Variants in GSE1 observed in about 807,000 individuals in gnomAD.
GSE1 encodes Gse1 coiled-coil protein.
GSE1 carries 32 observed loss-of-function variants against 112.6 expected under a neutral mutation model. The observed-to-expected ratio is 0.28, with a 90% CI of 0.21 to 0.38. The LOEUF is 0.38. Among genes scored for constraint, GSE1 ranks in the 10% least tolerant of loss-of-function variants. The pLI is 1.00. For missense variants in GSE1, 2,348 were observed against 1,699.2 expected (o/e 1.38, Z -6.71); for synonymous variants, 1,115 against 735.6 (o/e 1.52, Z -8.35).
In GSE1 at chr16:85,626,722, C is replaced by T. The variant is rs113550976; in HGVS notation, c.8-7192C>T. ...AGCACAGAGGGAGCAGGCCTGAGGT[C>T]TGGTGCCGGGGAAGAGCCGGGATGA... On this transcript the variant is annotated intron_variant, in intron 1 of 15. Transcript: ENST00000253458. Among the ~76,000 whole-genome samples, 1,153 of 152,290 alleles carry T rather than the reference C, an allele frequency of 7.6e-3. 11 individuals carry two copies. Among genetic ancestry groups the T allele is most frequent in the Non-Finnish European group, 0.013 (909 of 68,026 alleles).
At chr16:85,272,638 CTG>C (rs1267876534) in intron 1 of GSE1, among the ~76,000 whole-genome samples, 2 of 152,138 alleles carry the variant, frequency 1.3e-5, no homozygotes, top group African/African-American at 4.8e-5. Flanking sequence ...CCTGGGCTGA[CTG>C]TGGACAGCCC....
intron 2 of GSE1, among the ~76,000 whole-genome samples, chr16:85,547,949 C>T (rs112292172): frequency 0.065 from 9,453 of 145,452 alleles, 421 homozygotes; most frequent in Non-Finnish European, 0.095. Context: ...TATTTGAGGC[C>T]GGGCGAGGTG....
intron 1 of GSE1, among the ~76,000 whole-genome samples, chr16:85,591,903 C>T (rs567337170): frequency 3.3e-4 from 51 of 152,296 alleles, no homozygotes; most frequent in African/African-American, 1.2e-3. Flanking sequence ...TCTAGATCCG[C>T]GATGCCCAAA....
Position 85,657,328 on chromosome 16 carries a change from T to C in GSE1, c.1364T>C (p.Leu455Ser). Residue 455 changes from leucine (L) to serine (S), a missense_variant, in exon 8 of 16, where the codon TTG (leucine) becomes TCG (serine). Transcript: ENST00000253458. Reference protein sequence around the residue: ...LQAPKPVQHPLHPVPTPHHTV... With the variant: ...LQAPKPVQHPSHPVPTPHHTV... ...GCGCCCAAGCCCGTCCAACACCCCTTGCATCCGGTGCCCACCCCACACCAC... is the reference window on the plus strand; with the variant it reads ...GCGCCCAAGCCCGTCCAACACCCCTCGCATCCGGTGCCCACCCCACACCAC... 1 of 1,605,488 alleles carries C rather than the reference T, an allele frequency of 6.2e-7. No individual in the cohort carries two copies. Among genetic ancestry groups the C allele is most frequent in the Non-Finnish European group, 8.5e-7 (1 of 1,176,826 alleles).
chr16:85,557,845 CG>C (rs2045313567), intron 1 of GSE1, among the ~76,000 whole-genome samples: 1 of 150,152 alleles, frequency 6.7e-6, no homozygotes, highest in Non-Finnish European at 1.5e-5. Context: ...TTTTGAGTTT[CG>C]TGGTGTCTGT....
At chr16:85,495,832 T>G (rs2151903101) in intron 2 of GSE1, among the ~76,000 whole-genome samples, 1 of 152,212 alleles carries the variant, frequency 6.6e-6, no homozygotes, top group Admixed American at 6.5e-5. Flanking sequence ...GCCAGGGCAG[T>G]TAAGGCCTAA....
upstream of GSE1, among the ~76,000 whole-genome samples, chr16:85,608,433 C>A (rs1161821613): frequency 6.6e-6 from 1 of 152,100 alleles, no homozygotes; most frequent in South Asian, 2.1e-4. Context: ...AGGCAGCTAA[C>A]GGCTCCCTCC....
chr16:85,564,772 T>G (rs2045666845), intron 1 of GSE1, among the ~76,000 whole-genome samples: 1 of 152,128 alleles, frequency 6.6e-6, no homozygotes, highest in African/African-American at 2.4e-5. Context: ...AGGGAGCCTG[T>G]GCGGAAGGGG....
chr16:85,289,443 A>G (rs945390165), intron 1 of GSE1, among the ~76,000 whole-genome samples: 1 of 152,114 alleles, frequency 6.6e-6, no homozygotes, highest in African/African-American at 2.4e-5. Context: ...AGTGACACAT[A>G]TGTGGTGCCA....
At chr16:85,267,289 CT>C (rs1597236481) in intron 1 of GSE1, among the ~76,000 whole-genome samples, 1 of 151,922 alleles carries the variant, frequency 6.6e-6, no homozygotes, top group East Asian at 1.9e-4. Flanking sequence ...TCCCCTGCCC[CT>C]GGCATATTTT....
chr16:85,517,999 C>T (rs949020379), intron 2 of GSE1, among the ~76,000 whole-genome samples: 43 of 152,372 alleles, frequency 2.8e-4, no homozygotes, highest in African/African-American at 9.6e-4. Context: ...TCTGCCTCCC[C>T]GTCGCTTCCT....
At chr16:85,614,534 C>T (rs188893581) in intron 1 of GSE1, among the ~76,000 whole-genome samples, 1 of 152,130 alleles carries the variant, frequency 6.6e-6, no homozygotes, top group Non-Finnish European at 1.5e-5. Context: ...GAAGGGACAC[C>T]GCGACACCCT....
chr16:85,555,361 G>T, upstream of GSE1: 3 of 985,000 alleles, frequency 3.0e-6, no homozygotes, highest in Non-Finnish European at 3.6e-6. Context: ...CTGAGTCAGT[G>T]GTGGGACGCC....
At chr16:85,180,545 C>A (rs2074561917) in intron 1 of GSE1, among the ~76,000 whole-genome samples, 1 of 152,244 alleles carries the variant, frequency 6.6e-6, no homozygotes, top group African/African-American at 2.4e-5. Flanking sequence ...CAGCCAGTGT[C>A]CGAAGAGTTT....
At chr16:85,478,589 G>A (rs2151862412) in intron 2 of GSE1, among the ~76,000 whole-genome samples, 1 of 151,152 alleles carries the variant, frequency 6.6e-6, no homozygotes, top group Non-Finnish European at 1.5e-5. Context: ...TCTTCAGTTG[G>A]TGGCCATGTG....
At chr16:85,599,697 G>A (rs2151475615) in intron 1 of GSE1, among the ~76,000 whole-genome samples, 1 of 152,294 alleles carries the variant, frequency 6.6e-6, no homozygotes, top group African/African-American at 2.4e-5. Flanking sequence ...TTTATCACAG[G>A]CCCTACCCTC....
At chr16:85,420,034 C>G (rs907549725) in intron 2 of GSE1, among the ~76,000 whole-genome samples, 7 of 152,288 alleles carry the variant, frequency 4.6e-5, no homozygotes, top group African/African-American at 1.7e-4. Context: ...CTGAACAGAA[C>G]AAGTCCCTGC....
intron 2 of GSE1, among the ~76,000 whole-genome samples, chr16:85,400,245 A>G (rs2048065976): frequency 8.5e-6 from 1 of 117,568 alleles, no homozygotes. Context: ...CAGGAAGTGT[A>G]GGGTTGTGTG....
At chr16:85,628,108 G>A (rs1382032635) in intron 1 of GSE1, among the ~76,000 whole-genome samples, 1 of 152,226 alleles carries the variant, frequency 6.6e-6, no homozygotes, top group Non-Finnish European at 1.5e-5. Context: ...AGGATCTCGG[G>A]GTTCCCCGGC....
Sources: allele counts gnomAD v4.1 joint callset (sites outside exome capture counted in the v4.1 genomes callset), GRCh38; gene constraint gnomAD v4.1.1; transcripts MANE v1.5; gene names NCBI Gene and HGNC (gene_info 2026-07-23, HGNC 2026-07-21).